The following TIAM1 variants were observed in gnomAD, a reference collection of about 807,000 sequenced individuals.
TIAM1 encodes the protein TIAM Rac1 associated GEF 1.
Under a neutral mutation model 163.5 loss-of-function variants are expected in TIAM1, and 65 were observed. That is an observed-to-expected ratio of 0.40 (90% CI 0.33 to 0.49). TIAM1 has a LOEUF of 0.49. Ranked by LOEUF, TIAM1 falls within the 20% of genes least tolerant of loss-of-function variation. The pLI, the probability that TIAM1 is intolerant of heterozygous loss-of-function variation, is 0.77. For missense variants in TIAM1, 1,789 were observed against 2,044.7 expected, an observed-to-expected ratio of 0.87 and a Z score of 2.41; for synonymous variants, 833 against 810.1, an observed-to-expected ratio of 1.03 and a Z score of -0.48.
intron 2 of TIAM1, among the ~76,000 whole-genome samples, chr21:31,281,554 TA>T (rs2073568564): frequency 6.6e-6 from 1 of 152,200 alleles, no homozygotes; most frequent in African/African-American, 2.4e-5. Context: ...ATCAAAATCC[TA>T]AACATGTATT....
At chr21:31,340,705 G>T (rs1308356395) in intron 1 of TIAM1, among the ~76,000 whole-genome samples, 1 of 151,854 alleles carries the variant, frequency 6.6e-6, no homozygotes, top group Non-Finnish European at 1.5e-5. Context: ...AACACACTTT[G>T]CCTTCATAGA....
chr21:31,265,914 C>A, intron 4 of TIAM1, 96 bp downstream of exon 4: 2 of 1,509,510 alleles, frequency 1.3e-6, no homozygotes, highest in South Asian at 1.3e-5. Context: ...AGGGTAAAAC[C>A]CGATTAAAAG....
At chr21:31,384,737 A>G (rs2076836531) in intron 2 of TIAM1, among the ~76,000 whole-genome samples, 1 of 152,220 alleles carries the variant, frequency 6.6e-6, no homozygotes, top group Non-Finnish European at 1.5e-5. Flanking sequence ...CTGTCAGTGG[A>G]GACCCAAGAG....
rs569209737 is a variant in TIAM1, at chr21:31,170,989, T to C, written c.2888-5924A>G. 4.2e-5 allele frequency among the ~76,000 whole-genome samples: 6 copies of C among 143,152 alleles called. No individual in the cohort carries two copies. The South Asian group carries it at 1.1e-3, about 26-fold the overall frequency. 93.9% of individuals were successfully genotyped at this position (143,152 alleles called of 152,430 possible). ...AGGCAGAGGTTGCCAGGAGCTGAGA[T>C]TGTGCCACTGCACTCCAGCCTGGGT... On this transcript the variant is annotated intron_variant, in intron 15 of 27. Transcript: ENST00000541036.
rs550554489 is a variant in TIAM1, at chr21:31,528,410, T to A, written c.-422+30517A>T. Among the ~76,000 whole-genome samples the A allele has an allele frequency of 2.6e-5, 4 of 152,152 alleles. No individual in the cohort carries two copies. The East Asian group carries it at 7.7e-4, about 29-fold the overall frequency. On this transcript the variant is annotated intron_variant, in intron 1 of 28. Transcript: ENST00000286827. Reference sequence around the variant, plus strand: ...CATCTAGCTACTCAGTCCTAGCTACTCAGGAGGCGGAGGCAGGAAGCTCCC... The same window carrying A: ...CATCTAGCTACTCAGTCCTAGCTACACAGGAGGCGGAGGCAGGAAGCTCCC...
intron 6 of TIAM1, among the ~76,000 whole-genome samples, chr21:31,237,713 C>T (rs140195129): frequency 6.6e-6 from 1 of 152,286 alleles, no homozygotes; most frequent in South Asian, 2.1e-4. Flanking sequence ...AGATATATAA[C>T]TGCATATGAT....
At chr21:31,412,227 G>A (rs755127137) in intron 2 of TIAM1, among the ~76,000 whole-genome samples, 22 of 152,190 alleles carry the variant, frequency 1.4e-4, no homozygotes, top group Non-Finnish European at 2.8e-4. Context: ...TAAATAATGT[G>A]TACTCATGGC....
chr21:31,232,014 A>AC (rs1491380357), intron 6 of TIAM1, among the ~76,000 whole-genome samples: 1 of 134,904 alleles, frequency 7.4e-6, no homozygotes, highest in Admixed American at 7.0e-5. Context: ...TCCATCTCAC[A>AC]AAAAAAAAAA....
At position 31,252,029 on chromosome 21, in the gene TIAM1, G is replaced by C; in HGVS notation, c.1124C>G (p.Thr375Ser). 6.2e-7 allele frequency: 1 copy of C among 1,614,114 alleles called. No individual in the cohort carries two copies. Among genetic ancestry groups the C allele is most frequent in the East Asian group, 2.2e-5 (1 of 44,882 alleles). Residue 375 changes from threonine to serine, a missense_variant, in exon 5 of 28, where the codon ACC (threonine) becomes AGC (serine). This residue lies in a region of TIAM1 where 555 missense variants were observed against 564.9 expected (regional missense o/e 0.98). Coordinates refer to ENST00000541036, the MANE Select transcript of TIAM1 (RefSeq NM_001353694.2). ...CACCCCCTGACGAGCCGCATCCCCG[G>C]TGGAGCTGCTGCCGCTGTCGCTGCC... is the stretch of plus-strand genomic sequence containing the variant. ...FVGSDSGSSS[T>S]GDAARQGVYE...
chr21:31,139,831 G>C (rs187720060), intron 22 of TIAM1, among the ~76,000 whole-genome samples: 1 of 152,158 alleles, frequency 6.6e-6, no homozygotes, highest in Non-Finnish European at 1.5e-5. Flanking sequence ...GATCCTGACT[G>C]TACACTGTCT....
chr21:31,424,738 A>T (rs1156719541), intron 2 of TIAM1, among the ~76,000 whole-genome samples: 1 of 152,204 alleles, frequency 6.6e-6, no homozygotes, highest in Non-Finnish European at 1.5e-5. Flanking sequence ...AATTAACTGT[A>T]CTGAACTGTA....
At chr21:31,182,398 C>A (rs1401577833) in intron 15 of TIAM1, 23 bp downstream of exon 15, 1 of 1,512,126 alleles carries the variant, frequency 6.6e-7, no homozygotes, top group Admixed American at 2.3e-5. Context: ...CAGACTCGCC[C>A]CCAGCACCCT....
rs980083457 is a variant in TIAM1, at chr21:31,153,706, C to CACAT, written c.3171+537_3171+540dup. Among the ~76,000 whole-genome samples the CACAT allele has an allele frequency of 1.3e-4, 9 of 67,558 alleles. No individual in the cohort carries two copies. In the Admixed American group the frequency reaches 1.4e-3, roughly 10 times the overall value. The allele number at this position is 67,558 out of a possible 152,430, so 44.3% of individuals were successfully genotyped here. A position where few individuals can be genotyped will look rare whatever the true frequency, so the allele number is the denominator to read the frequency against. ...TGTAGCTTTCTTATTAGGTCAACAA[C>CACAT]ACATACATATATATATATATATAAA... On this transcript the variant is annotated intron_variant, in intron 17 of 27. Transcript: ENST00000541036.
chr21:31,335,347 T>C (rs1332188667), intron 2 of TIAM1, among the ~76,000 whole-genome samples: 1 of 152,042 alleles, frequency 6.6e-6, no homozygotes, highest in African/African-American at 2.4e-5. Flanking sequence ...TTTCAGACAA[T>C]AATGACTTCA....
chr21:31,480,531 A>C (rs1000579229), intron 1 of TIAM1, among the ~76,000 whole-genome samples: 2 of 152,196 alleles, frequency 1.3e-5, no homozygotes, highest in African/African-American at 4.8e-5. Flanking sequence ...AGAAGACTAG[A>C]AATAGCACAG....
chr21:31,155,903 G>C (rs2083603799), intron 16 of TIAM1, among the ~76,000 whole-genome samples: 1 of 152,162 alleles, frequency 6.6e-6, no homozygotes, highest in Non-Finnish European at 1.5e-5. Context: ...GTAAATACCG[G>C]TGCAAATAAA....
intron 2 of TIAM1, among the ~76,000 whole-genome samples, chr21:31,409,023 G>C (rs2077297366): frequency 6.6e-6 from 1 of 152,042 alleles, no homozygotes; most frequent in African/African-American, 2.4e-5. Context: ...TCAGTGCGGT[G>C]GGTCCTAAGA....
chr21:31,451,709 ATGTGTGTGCG>A (rs1293023975), intron 2 of TIAM1, among the ~76,000 whole-genome samples: 18 of 41,642 alleles, frequency 4.3e-4, no homozygotes, highest in Non-Finnish European at 9.7e-4. Flanking sequence ...GAGTGAAAGC[ATGTGTGTGCG>A]TGTGTGTGTG....
intron 2 of TIAM1, among the ~76,000 whole-genome samples, chr21:31,398,416 A>ATTTCTTCTT (rs2077109552): frequency 1.3e-5 from 2 of 152,130 alleles, no homozygotes; most frequent in Non-Finnish European, 2.9e-5. Context: ...AATGTCAAAA[A>ATTTCTTCTT]TTTTTTCTTA....
Sources: allele counts gnomAD v4.1 joint callset (sites outside exome capture counted in the v4.1 genomes callset), GRCh38; gene constraint gnomAD v4.1.1; regional missense constraint gnomAD v4.1.1; transcripts MANE v1.5; gene names NCBI Gene and HGNC (gene_info 2026-07-23, HGNC 2026-07-21).